UNC13C: variants seen among roughly 807,000 people sequenced by gnomAD.
The protein encoded by UNC13C is unc-13 homolog C.
UNC13C carries 174 observed loss-of-function variants against 245.4 expected under a neutral mutation model. That is an observed-to-expected ratio of 0.71 (90% CI 0.63 to 0.80). The LOEUF is 0.80. UNC13C is among the 30% of genes least tolerant of loss of function. The probability of loss-of-function intolerance (pLI) is 0.00; values close to 1 mark genes in which losing one functional copy is unlikely to be tolerated. For missense variants in UNC13C, 2,829 were observed against 2,602.9 expected (o/e 1.09, Z -1.89); for synonymous variants, 992 against 895.1 (o/e 1.11, Z -1.93).
intron 13 of UNC13C, among the ~76,000 whole-genome samples, chr15:54,307,830 T>C (rs1163538701): frequency 6.6e-6 from 1 of 151,946 alleles, no homozygotes. Context: ...ATGATGTTTT[T>C]GGTCAAAACA....
chr15:54,549,190 G>T (rs1439052432), intron 27 of UNC13C, among the ~76,000 whole-genome samples: 2 of 152,174 alleles, frequency 1.3e-5, no homozygotes, highest in Non-Finnish European at 2.9e-5. Flanking sequence ...TGAGGGAGGG[G>T]TTAAGAGGGT....
At chr15:54,331,963 A>G in intron 14 of UNC13C, 80 bp from the exon 15 acceptor site, 1 of 871,408 alleles carries the variant, frequency 1.1e-6, no homozygotes, top group Non-Finnish European at 1.7e-6. Context: ...TATAAAATAG[A>G]GACAAAACTC....
chr15:54,039,819 C>G (rs1212565375), intron 2 of UNC13C, among the ~76,000 whole-genome samples: 1 of 151,912 alleles, frequency 6.6e-6, no homozygotes, highest in Admixed American at 6.6e-5. Context: ...GTCACTCCCC[C>G]ACCTTCATTT....
chr15:54,339,157 C>A (rs1376986891), intron 17 of UNC13C, among the ~76,000 whole-genome samples: 1 of 152,210 alleles, frequency 6.6e-6, no homozygotes, highest in African/African-American at 2.4e-5. Flanking sequence ...CATGAGCCAC[C>A]ACGCCTGGCC....
chr15:54,346,210 G>C (rs11633674), intron 17 of UNC13C, among the ~76,000 whole-genome samples: 1 of 151,960 alleles, frequency 6.6e-6, no homozygotes, highest in South Asian at 2.1e-4. Context: ...GTTGATAAAC[G>C]AAGTAATTAT....
chr15:54,592,938 G>A (rs1352799067), intron 30 of UNC13C, among the ~76,000 whole-genome samples: 2 of 148,054 alleles, frequency 1.4e-5, no homozygotes, highest in African/African-American at 5.0e-5. Context: ...ATTTGGTTTT[G>A]ATGTGTTTCC....
At chr15:54,396,618 C>T (rs781148378) in intron 18 of UNC13C, among the ~76,000 whole-genome samples, 122 of 151,448 alleles carry the variant, frequency 8.1e-4, no homozygotes, top group Middle Eastern at 3.4e-3. Context: ...TATTGAGTTA[C>T]GTGGTAAGTA....
At chr15:54,082,420 G>T (rs11637002) in intron 2 of UNC13C, among the ~76,000 whole-genome samples, 70,945 of 151,948 alleles carry the variant, frequency 0.47, 18,572 homozygotes, top group Non-Finnish European at 0.6. Context: ...CATAGATTTG[G>T]TTGCTTTACA....
At chr15:54,345,143 T>C (rs1268710801) in intron 17 of UNC13C, among the ~76,000 whole-genome samples, 2 of 152,066 alleles carry the variant, frequency 1.3e-5, no homozygotes, top group East Asian at 3.9e-4. Flanking sequence ...CAATGAAGAG[T>C]TGATGTGCAG....
At chr15:54,335,966 ATTTC>A (rs2038563661) in intron 16 of UNC13C, among the ~76,000 whole-genome samples, 1 of 152,176 alleles carries the variant, frequency 6.6e-6, no homozygotes, top group East Asian at 1.9e-4. Flanking sequence ...GTATGTATAT[ATTTC>A]TTATTCTAGT....
At chr15:53,869,749 C>A in the UNC13C span, among the ~76,000 whole-genome samples, 1 of 152,112 alleles carries the variant, frequency 6.6e-6, no homozygotes, top group Admixed American at 6.6e-5. Context: ...CAGTGAAGCT[C>A]GCATTTATTC....
At chr15:54,483,352 T>A (rs1017244984) in intron 19 of UNC13C, among the ~76,000 whole-genome samples, 6 of 152,152 alleles carry the variant, frequency 3.9e-5, no homozygotes, top group Admixed American at 1.3e-4. Context: ...ACTTACCAAA[T>A]CTCTGAGAGT....
At chr15:54,020,186 T>G (rs779529802) in intron 2 of UNC13C, among the ~76,000 whole-genome samples, 6 of 152,072 alleles carry the variant, frequency 3.9e-5, no homozygotes, top group Non-Finnish European at 5.9e-5. Context: ...CAAATATACC[T>G]GCTCACACGG....
At chr15:54,330,152 CAG>C (rs535062211) in intron 14 of UNC13C, among the ~76,000 whole-genome samples, 172 of 151,988 alleles carry the variant, frequency 1.1e-3, no homozygotes, top group African/African-American at 4.0e-3. Context: ...GGAAGAAACA[CAG>C]AGGGCAAAAG....
rs371924314 is a variant in UNC13C at position 54,338,389 on chromosome 15, C to T, written c.4613C>T (p.Ala1538Val). The change falls in exon 17 of 33, where the codon GCG (alanine) becomes GTG (valine). Residue 1538 changes from alanine (A) to valine (V), a missense_variant. Ala to Val is a moderately conservative substitution (Grantham distance 64). Transcript: ENST00000260323. Reference sequence around the variant, plus strand: ...CTGGAGCTGCAAAGCCCCCCAAAAGCGAGCATGGTGGTGAAGGACTGTGTA... The same window carrying T: ...CTGGAGCTGCAAAGCCCCCCAAAAGTGAGCATGGTGGTGAAGGACTGTGTA... ...KVLELQSPPK[A>V]SMVVKDCVRA... 1.6e-5 allele frequency: 25 copies of T among 1,612,560 alleles called. No homozygotes were observed. The highest frequency in any genetic ancestry group is 5.0e-5 in the Admixed American group (3 of 59,970).
chr15:54,042,296 A>G (rs1896839186), intron 2 of UNC13C, among the ~76,000 whole-genome samples: 1 of 152,208 alleles, frequency 6.6e-6, no homozygotes, highest in Non-Finnish European at 1.5e-5. Context: ...TTTATCACTG[A>G]TGAATTTTGA....
chr15:54,502,219 G>A (rs1894249740), intron 22 of UNC13C, among the ~76,000 whole-genome samples: 1 of 152,056 alleles, frequency 6.6e-6, no homozygotes, highest in Non-Finnish European at 1.5e-5. Context: ...TCATGAATAA[G>A]CATAATCTGT....
chr15:54,105,963 A>G (rs1427442080), intron 2 of UNC13C, among the ~76,000 whole-genome samples: 1 of 152,170 alleles, frequency 6.6e-6, no homozygotes, highest in Non-Finnish European at 1.5e-5. Context: ...GTTCAGTTCT[A>G]TTTTAAACTT....
chr15:54,265,249 A>G (rs948714196), intron 9 of UNC13C, 106 bp from the exon 10 acceptor site: 3 of 893,038 alleles, frequency 3.4e-6, no homozygotes, highest in Admixed American at 3.8e-5. Flanking sequence ...ATGGGGATGC[A>G]TCTATAAGCC....
Sources: gnomAD v4.1 joint callset for allele counts (sites outside exome capture counted in the v4.1 genomes callset) on GRCh38, gnomAD v4.1.1 for gene constraint, MANE v1.5 for transcripts, NCBI Gene and HGNC (gene_info 2026-07-23, HGNC 2026-07-21) for gene names.